The following GLIS2 variants were observed in gnomAD, a reference collection of about 807,000 sequenced individuals.
GLIS2 encodes the protein GLIS family zinc finger 2.
Under a neutral mutation model 35.6 loss-of-function variants are expected in GLIS2, and 14 were observed. The observed-to-expected ratio is 0.39, with a 90% CI of 0.26 to 0.61. The LOEUF is 0.61. GLIS2 is among the 20% of genes least tolerant of loss of function. The pLI is 0.48. For missense variants in GLIS2, 675 were observed against 713.4 expected, an observed-to-expected ratio of 0.95 and a Z score of 0.61; for synonymous variants, 368 against 325.1, an observed-to-expected ratio of 1.13 and a Z score of -1.42.
chr16:4,335,266 C>CTGGA lies in GLIS2; in HGVS notation c.657-8_657-5dup. 6.2e-7 allele frequency: 1 copy of CTGGA among 1,613,790 alleles called. No homozygotes were observed. The highest frequency in any genetic ancestry group is 2.2e-5 in the East Asian group (1 of 44,872). ...AGCTGAGCCGTGCCCCCCGCCCTCCCTGGAGCAGGTACAAGATGCTCATCC... is the reference window on the plus strand; with the variant it reads ...AGCTGAGCCGTGCCCCCCGCCCTCCCTGGATGGAGCAGGTACAAGATGCTCATCC... On this transcript the variant is annotated splice_polypyrimidine_tract_variant and intron_variant, in intron 5 of 6. Coordinates refer to ENST00000433375, the MANE Select transcript of GLIS2 (RefSeq NM_032575.3). The surrounding 1 kb of genome is among the most constrained non-coding windows in gnomAD (Gnocchi z 4.6).
At chr16:4,315,695 G>A (rs183756765), upstream of GLIS2, among the ~76,000 whole-genome samples, 1 of 149,334 alleles carries the variant, frequency 6.7e-6, no homozygotes, top group Non-Finnish European at 1.5e-5. Flanking sequence ...GGATGGGGCC[G>A]AGGAGGACGC....
chr16:4,317,133 G>A (rs1484144201), intron 1 of GLIS2, among the ~76,000 whole-genome samples: 2 of 152,160 alleles, frequency 1.3e-5, no homozygotes, highest in East Asian at 3.9e-4. Context: ...GAGGGTGGCC[G>A]GGAAGCAATG....
chr16:4,334,396 C>A (rs534067835), intron 3 of GLIS2, among the ~76,000 whole-genome samples: 1 of 151,628 alleles, frequency 6.6e-6, no homozygotes, highest in Non-Finnish European at 1.5e-5. Context: ...TGCCATCACG[C>A]CTGGCTAATT....
chr16:4,322,391 G>A (rs965770665), intron 1 of GLIS2, among the ~76,000 whole-genome samples: 2 of 152,182 alleles, frequency 1.3e-5, no homozygotes, highest in Admixed American at 1.3e-4. Flanking sequence ...CTGGGCTTTG[G>A]GGTCTGCTGG....
rs538060133 is a variant in GLIS2 at position 4,330,130 on chromosome 16, A to G, written c.-66-2085A>G. On this transcript the variant is annotated intron_variant, in intron 1 of 6. Transcript: ENST00000433375. Reference sequence around the variant, plus strand: ...TGTCGCTACTAAAAATAGAAAAATTAGCTGGGTGTGATGGTGTACACCTGT... The same window carrying G: ...TGTCGCTACTAAAAATAGAAAAATTGGCTGGGTGTGATGGTGTACACCTGT... Among the ~76,000 whole-genome samples the G allele has an allele frequency of 3.3e-4, 51 of 152,290 alleles. No individual in the cohort carries two copies. The Middle Eastern group carries it at 0.01, about 30-fold the overall frequency.
At chr16:4,315,672 G>C (rs1183979952), upstream of GLIS2, among the ~76,000 whole-genome samples, 2 of 151,244 alleles carry the variant, frequency 1.3e-5, no homozygotes, top group Non-Finnish European at 3.0e-5. Flanking sequence ...GCCGCGGGGG[G>C]GGGGTGGCGT....
intron 1 of GLIS2, among the ~76,000 whole-genome samples, chr16:4,327,792 G>A (rs2053451024): frequency 8.3e-6 from 1 of 120,762 alleles, no homozygotes; most frequent in Non-Finnish European, 1.6e-5. Context: ...TTCCTCCCTC[G>A]CCGCAGCCGC....
chr16:4,321,157 C>T (rs1016372769), intron 1 of GLIS2, among the ~76,000 whole-genome samples: 6 of 152,240 alleles, frequency 3.9e-5, no homozygotes, highest in Middle Eastern at 3.4e-3. Flanking sequence ...GGCTGGGGGC[C>T]AGGGCTGGGA....
intron 1 of GLIS2, among the ~76,000 whole-genome samples, chr16:4,323,435 C>T (rs554825511): frequency 1.3e-5 from 2 of 152,250 alleles, no homozygotes; most frequent in Non-Finnish European, 2.9e-5. Flanking sequence ...CATAGTTGTG[C>T]AAAGGTGCAG....
chr16:4,325,929 TAAA>T (rs58290393), intron 1 of GLIS2, among the ~76,000 whole-genome samples: 7 of 40,134 alleles, frequency 1.7e-4, no homozygotes, highest in South Asian at 9.2e-4. Flanking sequence ...CTCTGTGTCT[TAAA>T]AAAAAAAAAA....
In GLIS2 at chr16:4,337,746, G is replaced by A. The variant is rs2141135794; in HGVS notation, c.*222G>A. The A allele has an allele frequency of 1.5e-6, 1 of 650,932 alleles. No individual in the cohort carries two copies. Among genetic ancestry groups the A allele is most frequent in the Non-Finnish European group, 2.7e-6 (1 of 368,392 alleles). 40.3% of individuals were successfully genotyped at this position (650,932 alleles called of 1,614,324 possible). Reference sequence around the variant, plus strand: ...AGGGAGAGCTGTGCTCCTGGGTGCTGAAGCCTCGCTCCTGTCTGTCCCCCA... The same window carrying A: ...AGGGAGAGCTGTGCTCCTGGGTGCTAAAGCCTCGCTCCTGTCTGTCCCCCA... On this transcript the variant is annotated 3_prime_UTR_variant, in exon 7 of 7. Transcript: ENST00000433375.
intron 1 of GLIS2, among the ~76,000 whole-genome samples, chr16:4,325,750 A>C (rs1199732526): frequency 1.5e-5 from 2 of 129,488 alleles, no homozygotes; most frequent in Admixed American, 7.2e-5. Flanking sequence ...TGACACAGGG[A>C]GACCCCCCCA....
chr16:4,332,316 G>C lies in GLIS2; in HGVS notation c.36G>C (p.Leu12=). 6.2e-7 allele frequency: 1 copy of C among 1,613,210 alleles called. No homozygotes were observed. The highest frequency in any genetic ancestry group is 8.5e-7 in the Non-Finnish European group (1 of 1,180,022). The change falls in exon 2 of 7, where the codon CTG becomes CTC. Residue 12 remains leucine (L), a synonymous_variant. Coordinates refer to ENST00000433375, the MANE Select transcript of GLIS2 (RefSeq NM_032575.3). The surrounding 1 kb of genome is among the most constrained non-coding windows in gnomAD (Gnocchi z 5.4). ...TGGACGAGCCGCTCGACCTGAAGCT[G>C]AGTATCACCAAGCTCCGGGCGGCAA... The part of the protein sequence containing the change: ...HSLDEPLDLK[L]SITKLRAARE...
At position 4,335,095 on chromosome 16, in the gene GLIS2, G is replaced by A. The variant is rs1236849555; in HGVS notation, c.558G>A (p.Val186=). The A allele has an allele frequency of 5.0e-6, 8 of 1,613,488 alleles. No individual in the cohort carries two copies. The highest frequency in any genetic ancestry group is 1.1e-5 in the South Asian group (1 of 91,090). ...NQLFELLQDL[V]DHVNDYHVKP... Reference sequence around the variant, plus strand: ...TCTTTGAGCTCCTGCAAGACCTGGTGGACCATGTCAACGATTACCATGTCA... The same window carrying A: ...TCTTTGAGCTCCTGCAAGACCTGGTAGACCATGTCAACGATTACCATGTCA... Residue 186 remains valine (V), a synonymous_variant, in exon 5 of 7, where the codon GTG becomes GTA. Coordinates refer to ENST00000433375, the MANE Select transcript of GLIS2 (RefSeq NM_032575.3). This position sits in a 1 kb window ranked among gnomAD's most constrained non-coding sequence, Gnocchi z 4.6.
intron 3 of GLIS2, 142 bp downstream of exon 3, chr16:4,333,661 T>G (rs1053834130): frequency 1.5e-5 from 15 of 990,634 alleles, no homozygotes; most frequent in Middle Eastern, 3.3e-4. Flanking sequence ...CCTGGAAGGC[T>G]CTAGGGGAGA....
intron 3 of GLIS2, 113 bp from the exon 4 acceptor site, chr16:4,334,688 G>A: frequency 8.0e-7 from 1 of 1,250,860 alleles, no homozygotes; most frequent in Non-Finnish European, 1.2e-6. Context: ...GGTAGGGGCT[G>A]GGGAGAAGAG....
rs1436155733 is a variant in GLIS2 at position 4,339,209 on chromosome 16, C to G, written c.*1685C>G. ...AGGGAGCTGGTCTCCTTTCTTCGGG[C>G]CCCACCCAGGCCCTGAGCACCCCCC... On this transcript the variant is annotated 3_prime_UTR_variant, in exon 7 of 7. Coordinates refer to ENST00000433375, the MANE Select transcript of GLIS2 (RefSeq NM_032575.3). The G allele has an allele frequency of 6.6e-6, 1 of 152,602 alleles. No individual in the cohort carries two copies. The highest frequency in any genetic ancestry group is 1.5e-5 in the Non-Finnish European group (1 of 68,216). The allele number at this position is 152,602 out of a possible 1,614,324, so 9.5% of individuals were successfully genotyped here.
chr16:4,323,122 C>T (rs562907635), intron 1 of GLIS2, among the ~76,000 whole-genome samples: 46 of 152,356 alleles, frequency 3.0e-4, no homozygotes, highest in African/African-American at 8.2e-4. Flanking sequence ...TGGCCCATCC[C>T]TTTGCTGGCC....
chr16:4,320,132 C>T lies in GLIS2; in HGVS notation c.-67+3878C>T, dbSNP rs1171342375. Reference sequence around the variant, plus strand: ...AGTGCCCACCGCAGGGAGGGGCCGGCCTGTGAGTGTCACATGTGCGTGCAC... The same window carrying T: ...AGTGCCCACCGCAGGGAGGGGCCGGTCTGTGAGTGTCACATGTGCGTGCAC... On this transcript the variant is annotated intron_variant, in intron 1 of 6. Transcript: ENST00000433375. This position sits in a 1 kb window ranked among gnomAD's most constrained non-coding sequence, Gnocchi z 5.6. Among the ~76,000 whole-genome samples the T allele has an allele frequency of 2.6e-5, 4 of 152,124 alleles. No individual in the cohort carries two copies. Among genetic ancestry groups the T allele is most frequent in the Admixed American group, 6.5e-5 (1 of 15,276 alleles).
Sources: gnomAD v4.1 joint callset for allele counts (sites outside exome capture counted in the v4.1 genomes callset) on GRCh38, gnomAD v4.1.1 for gene constraint, Gnocchi (gnomAD v3.1) non-coding constraint, MANE v1.5 for transcripts, NCBI Gene and HGNC (gene_info 2026-07-23, HGNC 2026-07-21) for gene names.